The following DEPTOR variants were observed in gnomAD, a reference collection of about 807,000 sequenced individuals.
DEPTOR encodes the protein DEP domain-containing mTOR-interacting protein.
Under a neutral mutation model 41.6 loss-of-function variants are expected in DEPTOR, and 41 were observed. The observed-to-expected ratio is 0.98, with a 90% CI of 0.77 to 1.28. The LOEUF (loss-of-function observed/expected upper bound fraction) is 1.28. Ranked by LOEUF, DEPTOR falls within the 50% of genes most tolerant of loss-of-function variation. The probability of loss-of-function intolerance (pLI) is 0.00; values close to 1 mark genes in which losing one functional copy is unlikely to be tolerated. For synonymous variants in DEPTOR, 195 were observed against 192.3 expected (o/e 1.01, Z -0.12); for missense variants, 514 against 527.9 (o/e 0.97, Z 0.26).
chr8:119,886,239 C>T (rs962803948), intron 1 of DEPTOR, among the ~76,000 whole-genome samples: 1 of 152,160 alleles, frequency 6.6e-6, no homozygotes, highest in African/African-American at 2.4e-5. Flanking sequence ...CTTCATCTTC[C>T]AGCCAGTGGT....
At chr8:119,963,077 G>T (rs533314969) in intron 3 of DEPTOR, among the ~76,000 whole-genome samples, 1 of 152,290 alleles carries the variant, frequency 6.6e-6, no homozygotes, top group South Asian at 2.1e-4. Context: ...TATAGGCCTG[G>T]TCTGGGAATA....
rs913938406 is a variant in DEPTOR, at chr8:119,890,143, C to T, written c.122+16175C>T. Reference sequence around the variant, plus strand: ...CTACACCCAGCTAATTTTTGTATTTCGGGTCAAGACAAGGTTTCCCAGGCT... The same window carrying T: ...CTACACCCAGCTAATTTTTGTATTTTGGGTCAAGACAAGGTTTCCCAGGCT... On this transcript the variant is annotated intron_variant, in intron 1 of 8. Coordinates refer to ENST00000286234, the MANE Select transcript of DEPTOR (RefSeq NM_022783.4). Among the ~76,000 whole-genome samples the T allele has an allele frequency of 6.6e-5, 10 of 151,862 alleles. No homozygotes were observed. In the East Asian group the frequency reaches 7.8e-4, roughly 12 times the overall value.
At chr8:119,928,315 C>A (rs764127907) in intron 1 of DEPTOR, 85 bp from the exon 2 acceptor site, 44 of 1,426,786 alleles carry the variant, frequency 3.1e-5, no homozygotes, top group African/African-American at 4.3e-5. Context: ...TTTAGAACTT[C>A]TGTTATGTTA....
chr8:120,044,658 A>AT (rs1484337328), intron 8 of DEPTOR, among the ~76,000 whole-genome samples: 1 of 152,236 alleles, frequency 6.6e-6, no homozygotes, highest in Non-Finnish European at 1.5e-5. Context: ...CCTGAAAAGA[A>AT]TATCAAGTCA....
chr8:120,001,683 A>G lies in DEPTOR; in HGVS notation c.763A>G (p.Asn255Asp), dbSNP rs1351774038. The G allele has an allele frequency of 3.7e-6, 6 of 1,612,864 alleles. No homozygotes were observed. The highest frequency in any genetic ancestry group is 2.7e-5 in the African/African-American group (2 of 74,858). ...PFCLRKQSHDNRKSTSFMSVS... is the reference protein window; with the variant it reads ...PFCLRKQSHDDRKSTSFMSVS... ...CTGCCTGAGGAAGCAGAGCCATGAC[A>G]ATCGGAAATCTACCAGCTTTATGTC... is the stretch of plus-strand genomic sequence containing the variant. Residue 255 changes from asparagine to aspartate, a missense_variant, in exon 5 of 9, where the codon AAT becomes GAT. Physicochemically the swap from Asn to Asp is conservative, Grantham distance 23. Coordinates refer to ENST00000286234, the MANE Select transcript of DEPTOR (RefSeq NM_022783.4).
intron 8 of DEPTOR, among the ~76,000 whole-genome samples, chr8:120,026,901 A>G (rs1812805723): frequency 6.6e-6 from 1 of 152,152 alleles, no homozygotes; most frequent in South Asian, 2.1e-4. Flanking sequence ...TTTAAAGTTT[A>G]TATTATATTC....
At chr8:119,988,947 C>CTTT (rs1194946008) in intron 4 of DEPTOR, among the ~76,000 whole-genome samples, 1 of 115,402 alleles carries the variant, frequency 8.7e-6, no homozygotes. Context: ...TAGCCATATC[C>CTTT]TTTTTTTTTT....
chr8:119,976,890 C>A (rs1446661181), intron 4 of DEPTOR, among the ~76,000 whole-genome samples: 1 of 152,196 alleles, frequency 6.6e-6, no homozygotes, highest in Non-Finnish European at 1.5e-5. Flanking sequence ...AAAAAGCAAG[C>A]CCTGTTTCCA....
intron 1 of DEPTOR, among the ~76,000 whole-genome samples, chr8:119,876,191 G>A (rs1984977): frequency 0.29 from 43,782 of 151,950 alleles, 6,701 homozygotes; most frequent in African/African-American, 0.35. Context: ...CTTTTCTAGC[G>A]CCTCTCTGCA....
intron 1 of DEPTOR, among the ~76,000 whole-genome samples, chr8:119,883,494 A>AAG (rs1226339529): frequency 6.9e-6 from 1 of 145,140 alleles, no homozygotes; most frequent in Non-Finnish European, 1.5e-5. Context: ...AAAAAAAAAA[A>AAG]AAGAAGGATA....
At chr8:119,966,746 G>A (rs1361559297) in intron 4 of DEPTOR, among the ~76,000 whole-genome samples, 1 of 152,098 alleles carries the variant, frequency 6.6e-6, no homozygotes, top group Non-Finnish European at 1.5e-5. Context: ...CGAAGAACTG[G>A]GATTACAGGC....
At chr8:119,986,535 G>A (rs773544038) in intron 4 of DEPTOR, among the ~76,000 whole-genome samples, 19 of 152,098 alleles carry the variant, frequency 1.2e-4, no homozygotes, top group Admixed American at 5.2e-4. Context: ...GAGTATCTTC[G>A]TTGTGTTCTC....
At chr8:119,879,318 C>G (rs957844982) in intron 1 of DEPTOR, among the ~76,000 whole-genome samples, 1 of 152,134 alleles carries the variant, frequency 6.6e-6, no homozygotes, top group Non-Finnish European at 1.5e-5. Flanking sequence ...TATCATATGA[C>G]CTAGAAATTC....
chr8:120,029,897 G>A (rs772073780), intron 8 of DEPTOR, among the ~76,000 whole-genome samples: 5 of 152,146 alleles, frequency 3.3e-5, no homozygotes, highest in Non-Finnish European at 5.9e-5. Context: ...GCATAAGGGA[G>A]GCCCAGAGAG....
Position 120,003,122 on chromosome 8 carries a change from A to G in DEPTOR, c.925+11A>G, listed in dbSNP as rs6469887. On this transcript the variant is annotated intron_variant, in intron 6 of 8. Transcript: ENST00000286234. The stretch of plus-strand genomic sequence containing the variant: ...GCAACCCCAAGTCCGGTGAGTGCCC[A>G]AAAGGTGGCCCCGCTCCTAAGACTG... 0.099 allele frequency: 158,597 copies of G among 1,609,402 alleles called. 10,704 individuals carry two copies. Among genetic ancestry groups the G allele is most frequent in the African/African-American group, 0.34 (25,313 of 74,842 alleles).
rs769961499 is a variant in DEPTOR, at chr8:120,009,100, C to A, written c.1068C>A (p.Asp356Glu). ...GSKPCHIQAV[D>E]PSGPAAAAGM... Reference sequence around the variant, plus strand: ...AGCCATGCCACATCCAGGCTGTAGACCCCAGTGGCCCTGCAGCCGCAGCAG... The same window carrying A: ...AGCCATGCCACATCCAGGCTGTAGAACCCAGTGGCCCTGCAGCCGCAGCAG... The change falls in exon 8 of 9, where the codon GAC becomes GAA. Residue 356 changes from aspartate (D) to glutamate (E), a missense_variant. Transcript: ENST00000286234. 3.7e-6 allele frequency: 6 copies of A among 1,613,876 alleles called. No individual in the cohort carries two copies. In the African/African-American group the frequency reaches 5.3e-5, roughly 14 times the overall value.
chr8:120,039,732 C>T (rs775803202), intron 8 of DEPTOR, among the ~76,000 whole-genome samples: 1 of 152,162 alleles, frequency 6.6e-6, no homozygotes, highest in Non-Finnish European at 1.5e-5. Flanking sequence ...TGGTTCTAAA[C>T]TTAGTCATTT....
At chr8:120,010,981 T>C (rs1211427568) in intron 8 of DEPTOR, among the ~76,000 whole-genome samples, 3 of 152,196 alleles carry the variant, frequency 2.0e-5, no homozygotes, top group Non-Finnish European at 4.4e-5. Flanking sequence ...TCCAAAACCA[T>C]AAGAGGATGC....
In DEPTOR at chr8:120,002,131, A is replaced by C. The variant is rs533677653; in HGVS notation, c.790+421A>C. On this transcript the variant is annotated intron_variant, in intron 5 of 8. Transcript: ENST00000286234. ...AAAAAATTTAAAAATAAATAAATAAATACAAGTTTTTGTTTGTTTATTTGT... is the reference window on the plus strand; with the variant it reads ...AAAAAATTTAAAAATAAATAAATAACTACAAGTTTTTGTTTGTTTATTTGT... Among the ~76,000 whole-genome samples the C allele has an allele frequency of 1.6e-3, 238 of 152,102 alleles. 2 individuals are homozygous for C. The highest frequency in any genetic ancestry group is 1.0e-3 in the Non-Finnish European group (69 of 67,974).
Sources: gnomAD v4.1 joint callset for allele counts (sites outside exome capture counted in the v4.1 genomes callset) on GRCh38, gnomAD v4.1.1 for gene constraint, MANE v1.5 for transcripts, NCBI Gene and HGNC (gene_info 2026-07-23, HGNC 2026-07-21) for gene names.